CR1L: variants seen among roughly 807,000 people sequenced by gnomAD.
CR1L encodes complement C3b/C4b receptor 1 like, also known as complement component receptor 1-like protein.
A neutral mutation model predicts 62.3 loss-of-function variants in CR1L; 59 were observed. The observed-to-expected ratio is 0.95, with a 90% CI of 0.77 to 1.18. CR1L has a LOEUF of 1.18. Ranked by LOEUF, CR1L falls within the 50% of genes most tolerant of loss-of-function variation. The pLI is 0.00. For missense variants in CR1L, 700 were observed against 702.8 expected, an observed-to-expected ratio of 1.00 and a Z score of 0.04; for synonymous variants, 279 against 248.7, an observed-to-expected ratio of 1.12 and a Z score of -1.15.
chr1:207,721,662 GTGT>G (rs1654139412), intron 11 of CR1L, among the ~76,000 whole-genome samples: 1 of 149,714 alleles, frequency 6.7e-6, no homozygotes, highest in Non-Finnish European at 1.5e-5. Flanking sequence ...ACGTGTGCAT[GTGT>G]CTTTATAGCA....
At chr1:207,664,071 T>C (rs1379238826) in intron 1 of CR1L, among the ~76,000 whole-genome samples, 1 of 152,240 alleles carries the variant, frequency 6.6e-6, no homozygotes, top group Non-Finnish European at 1.5e-5. Flanking sequence ...TTTACTGAGA[T>C]GAAATAGAGG....
intron 4 of CR1L, among the ~76,000 whole-genome samples, chr1:207,685,460 C>T (rs781606793): frequency 2.0e-5 from 3 of 152,218 alleles, no homozygotes; most frequent in African/African-American, 7.2e-5. Context: ...ACACCTTAGT[C>T]GGCTATCCCT....
chr1:207,683,757 C>T, intron 3 of CR1L, 115 bp from the exon 4 acceptor site: 1 of 956,172 alleles, frequency 1.0e-6, no homozygotes, highest in South Asian at 2.3e-5. Context: ...AATTCTTTGA[C>T]AAGTGGAAAA....
chr1:207,707,374 TC>T (rs1461225630), intron 9 of CR1L, among the ~76,000 whole-genome samples: 3 of 152,204 alleles, frequency 2.0e-5, no homozygotes, highest in South Asian at 2.1e-4. Flanking sequence ...ACGCCTGTAG[TC>T]CCAGCACTTT....
At chr1:207,697,368 T>C in intron 5 of CR1L, 135 bp from the exon 6 acceptor site, 2 of 1,557,932 alleles carry the variant, frequency 1.3e-6, no homozygotes, top group South Asian at 2.5e-5. Context: ...TTTAGTTTGT[T>C]ATCAATGTAA....
intron 3 of CR1L, among the ~76,000 whole-genome samples, chr1:207,683,207 A>C (rs148711475): frequency 1.1e-3 from 165 of 150,938 alleles, no homozygotes; most frequent in African/African-American, 3.9e-3. Flanking sequence ...CATGATCAAC[A>C]CTCACTGCAG....
chr1:207,683,122 C>T (rs1259418995), intron 3 of CR1L, among the ~76,000 whole-genome samples: 2 of 149,876 alleles, frequency 1.3e-5, no homozygotes, highest in African/African-American at 2.5e-5. Flanking sequence ...CTCTGACTCT[C>T]TCTCTCTCTC....
chr1:207,708,597 G>C (rs145247092), intron 10 of CR1L, among the ~76,000 whole-genome samples: 34 of 152,266 alleles, frequency 2.2e-4, no homozygotes, highest in African/African-American at 6.7e-4. Flanking sequence ...GAAAGAAACC[G>C]CATATCCTCT....
intron 4 of CR1L, among the ~76,000 whole-genome samples, chr1:207,686,481 T>C (rs1030685548): frequency 4.6e-5 from 7 of 152,266 alleles, no homozygotes; most frequent in African/African-American, 1.7e-4. Flanking sequence ...GATGTAATCA[T>C]ATCTGTTTCT....
chr1:207,722,318 G>A (rs200294847), intron 11 of CR1L, among the ~76,000 whole-genome samples: 25 of 112,998 alleles, frequency 2.2e-4, no homozygotes, highest in South Asian at 2.9e-4. Context: ...GGGTTTTTAT[G>A]GTTTTAGGTC....
At chr1:207,713,714 C>T (rs1653894848) in intron 10 of CR1L, among the ~76,000 whole-genome samples, 1 of 152,274 alleles carries the variant, frequency 6.6e-6, no homozygotes, top group Admixed American at 6.5e-5. Flanking sequence ...GCATGTCACA[C>T]TGAAGGGAAT....
chr1:207,700,654 C>G (rs1286698513), intron 8 of CR1L, among the ~76,000 whole-genome samples: 1 of 152,150 alleles, frequency 6.6e-6, no homozygotes, highest in Non-Finnish European at 1.5e-5. Context: ...ATTGTTATCA[C>G]TGAGACTGAT....
At chr1:207,713,445 C>T (rs1275090008) in intron 10 of CR1L, among the ~76,000 whole-genome samples, 1 of 152,254 alleles carries the variant, frequency 6.6e-6, no homozygotes, top group East Asian at 1.9e-4. Context: ...TTCTCAGCCA[C>T]TTTGCCAGCT....
At chr1:207,650,265 C>T (rs551591428) in intron 1 of CR1L, among the ~76,000 whole-genome samples, 3 of 152,252 alleles carry the variant, frequency 2.0e-5, no homozygotes, top group African/African-American at 7.2e-5. Context: ...ACAGGAAGTC[C>T]TCCTACAGAC....
At chr1:207,681,102 G>A (rs1456045821) in intron 3 of CR1L, among the ~76,000 whole-genome samples, 1 of 152,164 alleles carries the variant, frequency 6.6e-6, no homozygotes, top group Non-Finnish European at 1.5e-5. Flanking sequence ...CACAGGATTT[G>A]TTTTTTATTC....
chr1:207,708,789 T>C, intron 10 of CR1L: 1 of 453,392 alleles, frequency 2.2e-6, no homozygotes, highest in Non-Finnish European at 4.4e-6. Context: ...AAAATGTGTA[T>C]AATCCTGGGT....
chr1:207,689,885 G>T (rs1254128452), intron 4 of CR1L, among the ~76,000 whole-genome samples: 1 of 151,872 alleles, frequency 6.6e-6, no homozygotes, highest in Non-Finnish European at 1.5e-5. Flanking sequence ...AATTTTCTAG[G>T]TTATTAGCAT....
intron 10 of CR1L, among the ~76,000 whole-genome samples, chr1:207,714,651 A>C (rs11118453): frequency 0.61 from 92,756 of 151,946 alleles, 29,041 homozygotes; most frequent in East Asian, 0.87. Context: ...ATTTCCAAGG[A>C]TTCTTTGGCA....
chr1:207,708,243 T>A lies in CR1L; in HGVS notation c.1394T>A (p.Met465Lys). ...TCGGGCAATACTGCCCATTGGAGCA[T>A]GAAGCCACCAATTTGTCAACGTGAG... The part of the protein sequence containing the change: ...ILSGNTAHWS[M>K]KPPICQQIFC... Residue 465 changes from methionine to lysine, a missense_variant, in exon 10 of 12, where the codon ATG becomes AAG. By Grantham distance (95) the Met-to-Lys change is moderately conservative. Transcript: ENST00000508064. 6.2e-7 allele frequency: 1 copy of A among 1,611,430 alleles called. No homozygotes were observed. The highest frequency in any genetic ancestry group is 8.5e-7 in the Non-Finnish European group (1 of 1,179,390).
Sources: gnomAD v4.1 joint callset for allele counts (sites outside exome capture counted in the v4.1 genomes callset) on GRCh38, gnomAD v4.1.1 for gene constraint, MANE v1.5 for transcripts, NCBI Gene and HGNC (gene_info 2026-07-23, HGNC 2026-07-21) for gene names.